Variants in CLPTM1 observed in about 807,000 individuals in gnomAD.
CLPTM1 encodes the protein putative lipid scramblase CLPTM1.
Under a neutral mutation model 77.3 loss-of-function variants are expected in CLPTM1, and 21 were observed. The observed-to-expected ratio is 0.27, with a 90% CI of 0.19 to 0.39. The LOEUF (loss-of-function observed/expected upper bound fraction) is 0.39. Among genes scored for constraint, CLPTM1 ranks in the 10% least tolerant of loss-of-function variants. The probability of loss-of-function intolerance (pLI) is 1.00; values close to 1 mark genes in which losing one functional copy is unlikely to be tolerated. For synonymous variants in CLPTM1, 373 were observed against 381.0 expected, an observed-to-expected ratio of 0.98 and a Z score of 0.24; for missense variants, 642 against 921.2, an observed-to-expected ratio of 0.70 and a Z score of 3.92.
chr19:44,975,992 A>G (rs1436810416), intron 4 of CLPTM1, among the ~76,000 whole-genome samples: 1 of 152,104 alleles, frequency 6.6e-6, no homozygotes, highest in African/African-American at 2.4e-5. Flanking sequence ...CCTCCCAAGT[A>G]GCTGGGACAA....
At chr19:44,981,448 C>G (rs1970896029) in intron 5 of CLPTM1, among the ~76,000 whole-genome samples, 3 of 150,986 alleles carry the variant, frequency 2.0e-5, no homozygotes. Context: ...TTTAAATTAG[C>G]CAGATATGGT....
At chr19:44,955,077 AC>A, upstream of CLPTM1, 1 of 1,535,744 alleles carries the variant, frequency 6.5e-7, no homozygotes, top group Non-Finnish European at 8.7e-7. Flanking sequence ...GGCTCATATA[AC>A]CGAAAAGGCG....
chr19:44,971,627 C>T (rs550420297), intron 2 of CLPTM1, among the ~76,000 whole-genome samples: 2 of 152,056 alleles, frequency 1.3e-5, no homozygotes, highest in African/African-American at 4.8e-5. Flanking sequence ...GGCGCAATCA[C>T]GTCTCACTGC....
upstream of CLPTM1, chr19:44,955,290 A>G: frequency 2.9e-6 from 4 of 1,367,212 alleles, no homozygotes; most frequent in Non-Finnish European, 3.8e-6. Context: ...CTTGCCGGAT[A>G]GGGTGGCCCG....
At chr19:44,971,231 A>C (rs1415661188) in intron 2 of CLPTM1, among the ~76,000 whole-genome samples, 2 of 152,190 alleles carry the variant, frequency 1.3e-5, no homozygotes, top group Non-Finnish European at 2.9e-5. Flanking sequence ...CTATTTATAT[A>C]TATTCATATG....
At chr19:44,966,322 G>GGCGTGAACCTAGGCAGGAGA (rs1970627608) in intron 2 of CLPTM1, among the ~76,000 whole-genome samples, 2 of 152,146 alleles carry the variant, frequency 1.3e-5, no homozygotes, top group Non-Finnish European at 2.9e-5. Flanking sequence ...GAGGCAGGAG[G>GGCGTGAACCTAGGCAGGAGA]ATGGCGTGAA....
chr19:44,964,060 C>T (rs1970587473), intron 2 of CLPTM1, among the ~76,000 whole-genome samples: 3 of 151,794 alleles, frequency 2.0e-5, no homozygotes, highest in Admixed American at 2.0e-4. Flanking sequence ...GCCACTGGGC[C>T]CTGCCTGACC....
intron 6 of CLPTM1, 138 bp from the exon 7 acceptor site, chr19:44,986,317 A>T: frequency 8.8e-7 from 1 of 1,137,544 alleles, no homozygotes; most frequent in Non-Finnish European, 1.2e-6. Context: ...TGGGCAGCAT[A>T]GTGAGACCCC....
chr19:44,966,138 G>A (rs543015356), intron 2 of CLPTM1, among the ~76,000 whole-genome samples: 3 of 152,194 alleles, frequency 2.0e-5, no homozygotes, highest in Non-Finnish European at 4.4e-5. Flanking sequence ...TGGGCCGGGC[G>A]CGGTGGCTCA....
At chr19:44,989,610 GC>G (rs1314966451) in intron 9 of CLPTM1, among the ~76,000 whole-genome samples, 2 of 152,152 alleles carry the variant, frequency 1.3e-5, no homozygotes, top group African/African-American at 4.8e-5. Flanking sequence ...GGGGTAGGGT[GC>G]ACATGGACCA....
At position 44,990,894 on chromosome 19, in the gene CLPTM1, C is replaced by T; in HGVS notation, c.1368C>T (p.Ser456=). ...TGGCAGGAATCTTCCCCCGCCTATC[C>T]TTCAAGGACAAGTCCACGTATATCG... is the stretch of plus-strand genomic sequence containing the variant. ...HRVAGIFPRL[S]FKDKSTYIES... Residue 456 remains serine (S), a synonymous_variant, in exon 11 of 14, where the codon TCC becomes TCT. Transcript: ENST00000337392. The surrounding 1 kb of genome is among the most constrained non-coding windows in gnomAD (Gnocchi z 4.8). The T allele has an allele frequency of 1.2e-6, 2 of 1,614,010 alleles. No individual in the cohort carries two copies. The highest frequency in any genetic ancestry group is 1.1e-5 in the South Asian group (1 of 91,068).
intron 1 of CLPTM1, 102 bp from the exon 2 acceptor site, chr19:44,961,861 C>T: frequency 1.5e-6 from 1 of 650,872 alleles, no homozygotes; most frequent in Non-Finnish European, 2.5e-6. Context: ...TTGATAAGCA[C>T]CCACTCTTTG....
chr19:44,970,141 C>A (rs1416821917), intron 2 of CLPTM1, among the ~76,000 whole-genome samples: 1 of 147,628 alleles, frequency 6.8e-6, no homozygotes, highest in Admixed American at 6.7e-5. Flanking sequence ...AGAGGATTGC[C>A]TTTGCTTCTG....
intron 1 of CLPTM1, among the ~76,000 whole-genome samples, chr19:44,956,009 C>T (rs561764132): frequency 6.6e-6 from 1 of 152,300 alleles, no homozygotes; most frequent in Middle Eastern, 3.4e-3. Flanking sequence ...AGTTACAAGA[C>T]ACTGCTGACA....
In CLPTM1 at chr19:44,990,485, T is replaced by G; in HGVS notation, c.1223T>G (p.Leu408Arg). The G allele has an allele frequency of 6.2e-7, 1 of 1,614,132 alleles. No homozygotes were observed. The highest frequency in any genetic ancestry group is 8.5e-7 in the Non-Finnish European group (1 of 1,179,986). ...GTTTTCCAGTCATTCGTGGTCCTCC[T>G]CTACATCCTGGACAACGAGACCAAC... ...FGVFQSFVVLLYILDNETNFV... is the reference protein window; with the variant it reads ...FGVFQSFVVLRYILDNETNFV... The change falls in exon 10 of 14, where the codon CTC (leucine) becomes CGC (arginine). Residue 408 changes from leucine (L) to arginine (R), a missense_variant. Physicochemically the swap from Leu to Arg is moderately radical, Grantham distance 102 (BLOSUM62 -2). Transcript: ENST00000337392. The surrounding 1 kb of genome is among the most constrained non-coding windows in gnomAD (Gnocchi z 4.8).
At chr19:44,964,612 A>G (rs946823783) in intron 2 of CLPTM1, among the ~76,000 whole-genome samples, 25 of 151,984 alleles carry the variant, frequency 1.6e-4, no homozygotes, top group African/African-American at 5.8e-4. Flanking sequence ...CGCTTGGCCC[A>G]TTTTAACCAT....
At chr19:44,987,906 T>C (rs1177229283) in intron 8 of CLPTM1, 174 bp from the exon 9 acceptor site, 3 of 638,350 alleles carry the variant, frequency 4.7e-6, no homozygotes, top group Non-Finnish European at 5.6e-6. Context: ...CTCTTCTGTC[T>C]TTGTGAGTCA....
At chr19:44,974,346 C>G in intron 3 of CLPTM1, 93 bp from the exon 4 acceptor site, 1 of 1,298,896 alleles carries the variant, frequency 7.7e-7, no homozygotes, top group Non-Finnish European at 1.1e-6. Context: ...TTACTGTTCC[C>G]CTGAGTGTGC....
intron 9 of CLPTM1, among the ~76,000 whole-genome samples, chr19:44,989,108 G>A (rs958097951): frequency 2.6e-5 from 4 of 152,130 alleles, no homozygotes; most frequent in East Asian, 3.8e-4. Context: ...CAAGGCTGCC[G>A]TGAGCCATGA....
Sources: allele counts gnomAD v4.1 joint callset (sites outside exome capture counted in the v4.1 genomes callset), GRCh38; gene constraint gnomAD v4.1.1; non-coding constraint Gnocchi (gnomAD v3.1); transcripts MANE v1.5; gene names NCBI Gene and HGNC (gene_info 2026-07-23, HGNC 2026-07-21).